The following ZNF334 variants were observed in gnomAD, a reference collection of about 807,000 sequenced individuals.
The protein encoded by ZNF334 is zinc finger protein 334.
ZNF334 carries 14 observed loss-of-function variants against 12.4 expected under a neutral mutation model. The ratio of observed to expected loss-of-function variants is 1.13; its 90% CI spans 0.74 to 1.76. The LOEUF is 1.76. Among genes scored for constraint, ZNF334 ranks in the 40% most tolerant of loss-of-function variants. The probability of loss-of-function intolerance (pLI) is 0.00; values close to 1 mark genes in which losing one functional copy is unlikely to be tolerated. For missense variants in ZNF334, 797 were observed against 804.5 expected, an observed-to-expected ratio of 0.99 and a Z score of 0.11; for synonymous variants, 273 against 269.6, an observed-to-expected ratio of 1.01 and a Z score of -0.12.
At position 46,501,741 on chromosome 20, in the gene ZNF334, A is replaced by G. The variant is rs773283022; in HGVS notation, c.1598T>C (p.Ile533Thr). 6.2e-7 allele frequency: 1 copy of G among 1,614,100 alleles called. No homozygotes were observed. Among genetic ancestry groups the G allele is most frequent in the Non-Finnish European group, 8.5e-7 (1 of 1,180,002 alleles). Residue 533 changes from isoleucine (I) to threonine (T), a missense_variant, in exon 5 of 5, where the codon ATT (isoleucine) becomes ACT (threonine). Ile to Thr is a moderately conservative substitution (Grantham distance 89). Transcript: ENST00000692313. Reference protein sequence around the residue: ...GHAVSKNSHLIVHQRTIWERP... With the variant: ...GHAVSKNSHLTVHQRTIWERP... Reference sequence around the variant, plus strand: ...CTCCCATATAGTTCTCTGATGTACAATGAGGTGTGAGTTTTTGCTGACGGC... The same window carrying G: ...CTCCCATATAGTTCTCTGATGTACAGTGAGGTGTGAGTTTTTGCTGACGGC...
chr20:46,472,696 T>A, the ZNF334 span, among the ~76,000 whole-genome samples: 1 of 152,120 alleles, frequency 6.6e-6, no homozygotes, highest in East Asian at 1.9e-4. Context: ...TAGGGTCTCA[T>A]AAGGAAGAGT....
chr20:46,464,393 A>C, the ZNF334 span: 1 of 502,648 alleles, frequency 2.0e-6, no homozygotes, highest in South Asian at 1.6e-5. Flanking sequence ...AATATACTTG[A>C]GACAGTAGGC....
the ZNF334 span, among the ~76,000 whole-genome samples, chr20:46,485,983 T>C: frequency 1.1e-4 from 17 of 152,204 alleles, no homozygotes; most frequent in African/African-American, 3.9e-4. Flanking sequence ...CTTTCACATT[T>C]ACTGCAAGAT....
At chr20:46,472,842 C>T in the ZNF334 span, among the ~76,000 whole-genome samples, 39 of 152,272 alleles carry the variant, frequency 2.6e-4, no homozygotes, top group African/African-American at 7.2e-4. Flanking sequence ...AGATGAGAGA[C>T]GACGGTGGCT....
the ZNF334 span, among the ~76,000 whole-genome samples, chr20:46,470,421 T>G: frequency 1.3e-5 from 2 of 152,210 alleles, no homozygotes; most frequent in Non-Finnish European, 2.9e-5. Context: ...TGAAGGAAAC[T>G]ACCCTGAGAT....
intron 2 of ZNF334, 149 bp downstream of exon 2, chr20:46,511,933 A>T: frequency 1.4e-6 from 1 of 710,248 alleles, no homozygotes; most frequent in Non-Finnish European, 2.4e-6. Flanking sequence ...GGAATATATG[A>T]TTTCTGTATA....
the ZNF334 span, among the ~76,000 whole-genome samples, chr20:46,475,079 G>C: frequency 1.3e-5 from 2 of 152,116 alleles, no homozygotes; most frequent in Non-Finnish European, 2.9e-5. Context: ...AACAAGTAAA[G>C]GAAACCACAG....
downstream of ZNF334, among the ~76,000 whole-genome samples, chr20:46,496,360 C>T (rs2061024488): frequency 6.6e-6 from 1 of 152,192 alleles, no homozygotes; most frequent in Non-Finnish European, 1.5e-5. Flanking sequence ...TTTCCTGGGG[C>T]CATTTCTGGT....
intron 4 of ZNF334, among the ~76,000 whole-genome samples, chr20:46,503,503 T>G (rs957750551): frequency 1.9e-4 from 29 of 152,206 alleles, no homozygotes; most frequent in Admixed American, 6.5e-4. Context: ...TAGAGAAAGA[T>G]AGTCATACAG....
the ZNF334 span, among the ~76,000 whole-genome samples, chr20:46,494,117 C>T: frequency 2.6e-5 from 4 of 152,170 alleles, no homozygotes; most frequent in African/African-American, 9.7e-5. Context: ...TGTTGTATGT[C>T]TTAAATGCTA....
At chr20:46,465,017 A>G in the ZNF334 span, 1 of 383,348 alleles carries the variant, frequency 2.6e-6, no homozygotes, top group Non-Finnish European at 5.2e-6. Context: ...GTCGCTGAAA[A>G]TACTTGCCCA....
rs2061693610 is a variant in ZNF334, at chr20:46,512,617, T to C, written c.-116A>G. ...ATGAATGAAAGTGCTTTAAGGTGTT[T>C]GTCTTTTTGACAGTTTGGTTTCCCT... is the stretch of plus-strand genomic sequence containing the variant. On this transcript the variant is annotated 5_prime_UTR_variant, in exon 1 of 5. Transcript: ENST00000692313. 1 of 152,488 alleles carries C rather than the reference T, an allele frequency of 6.6e-6. No homozygotes were observed. Among genetic ancestry groups the C allele is most frequent in the African/African-American group, 2.4e-5 (1 of 41,458 alleles). 9.4% of individuals were successfully genotyped at this position (152,488 alleles called of 1,614,324 possible).
chr20:46,463,930 T>C, the ZNF334 span: 3 of 536,302 alleles, frequency 5.6e-6, no homozygotes, highest in African/African-American at 5.7e-5. Flanking sequence ...CAGATCATCA[T>C]GGAACAAGTC....
chr20:46,476,257 G>A, the ZNF334 span: 1 of 152,166 alleles, frequency 6.6e-6, no homozygotes, highest in African/African-American at 2.4e-5. Context: ...GACTGGGGAG[G>A]CAGTGGGTGT....
chr20:46,469,370 C>CTTT, the ZNF334 span, among the ~76,000 whole-genome samples: 1 of 138,742 alleles, frequency 7.2e-6, no homozygotes. Flanking sequence ...CCCTATGCTC[C>CTTT]TTTTTTTTTT....
chr20:46,482,503 A>C, the ZNF334 span, among the ~76,000 whole-genome samples: 6 of 152,228 alleles, frequency 3.9e-5, no homozygotes, highest in African/African-American at 1.4e-4. Context: ...TTACTTCTGT[A>C]ATTTTTAATT....
chr20:46,482,163 A>T, the ZNF334 span, among the ~76,000 whole-genome samples: 1 of 152,288 alleles, frequency 6.6e-6, no homozygotes, highest in Middle Eastern at 3.4e-3. Flanking sequence ...GCTAACCCAT[A>T]TTGTACTTCT....
chr20:46,501,291 G>C lies in ZNF334; in HGVS notation c.*5C>G. 9 of 1,604,118 alleles carry C rather than the reference G, an allele frequency of 5.6e-6. No individual in the cohort carries two copies. The highest frequency in any genetic ancestry group is 7.7e-6 in the Non-Finnish European group (9 of 1,174,878). On this transcript the variant is annotated 3_prime_UTR_variant, in exon 5 of 5. Coordinates refer to ENST00000692313, the MANE Select transcript of ZNF334 (RefSeq NM_001353824.2). ...CTTTGTTGGAATTTATTACTTTGTT[G>C]GAACTTATTCCTTGTGGGATTTCTG...
At chr20:46,512,270 T>C (rs1317815785) in intron 1 of ZNF334, 130 bp from the exon 2 acceptor site, 6 of 619,152 alleles carry the variant, frequency 9.7e-6, no homozygotes, top group Non-Finnish European at 1.7e-5. Flanking sequence ...GGAAGCAACA[T>C]GTTGAGGAAA....
Sources: allele counts gnomAD v4.1 joint callset (sites outside exome capture counted in the v4.1 genomes callset), GRCh38; gene constraint gnomAD v4.1.1; transcripts MANE v1.5; gene names NCBI Gene and HGNC (gene_info 2026-07-23, HGNC 2026-07-21).